Variants in CA14 observed in about 807,000 individuals in gnomAD.
The protein encoded by CA14 is carbonic anhydrase 14, also known as CA-XIV.
Under a neutral mutation model 48.8 loss-of-function variants are expected in CA14, and 44 were observed. That is an observed-to-expected ratio of 0.90 (90% CI 0.71 to 1.16). The LOEUF is 1.16. Ranked by LOEUF, CA14 falls within the 50% of genes most tolerant of loss-of-function variation. The pLI, the probability that CA14 is intolerant of heterozygous loss-of-function variation, is 0.00. For synonymous variants in CA14, 154 were observed against 155.0 expected, an observed-to-expected ratio of 0.99 and a Z score of 0.05; for missense variants, 386 against 401.0, an observed-to-expected ratio of 0.96 and a Z score of 0.32.
At chr1:150,259,007 GA>G (rs1650776546) in intron 1 of CA14, among the ~76,000 whole-genome samples, 1 of 151,866 alleles carries the variant, frequency 6.6e-6, no homozygotes, top group African/African-American at 2.4e-5. Context: ...TGAGGAGAAA[GA>G]AAAAAAGAGG....
Position 150,263,323 on chromosome 1 carries a change from T to C in CA14, c.745T>C (p.Phe249Leu). Reference protein sequence around the residue: ...EQLEKLQGTLFSTEEEPSKLL... With the variant: ...EQLEKLQGTLLSTEEEPSKLL... The stretch of plus-strand genomic sequence containing the variant: ...GCTGGAAAAGCTTCAGGGGACATTG[T>C]TCTCCACAGAAGAGGAGCCCTCTAA... The change falls in exon 8 of 11, where the codon TTC becomes CTC. Residue 249 changes from phenylalanine (F) to leucine (L), a missense_variant. By Grantham distance (22) the Phe-to-Leu change is conservative. Transcript: ENST00000369111. 6.2e-7 allele frequency: 1 copy of C among 1,614,208 alleles called. No individual in the cohort carries two copies. Among genetic ancestry groups the C allele is most frequent in the Non-Finnish European group, 8.5e-7 (1 of 1,180,036 alleles).
chr1:150,259,347 G>A (rs1553847321), intron 1 of CA14, among the ~76,000 whole-genome samples: 2 of 152,164 alleles, frequency 1.3e-5, no homozygotes, highest in East Asian at 1.9e-4. Flanking sequence ...GGAGGGGCTG[G>A]ACCTGCAGAC....
At chr1:150,261,380 A>C in intron 2 of CA14, 79 bp from the exon 3 acceptor site, 2 of 1,292,044 alleles carry the variant, frequency 1.5e-6, no homozygotes, top group Non-Finnish European at 2.2e-6. Flanking sequence ...GGTTAGGGGA[A>C]GGGTCAAAGG....
intron 2 of CA14, 164 bp downstream of exon 2, chr1:150,260,335 G>A (rs587751681): frequency 1.4e-6 from 1 of 729,932 alleles, no homozygotes; most frequent in South Asian, 1.5e-5. Context: ...ATGGCTCCTA[G>A]ATCCTGCTCT....
intron 1 of CA14, 28 bp from the exon 2 acceptor site, chr1:150,260,123 C>G: frequency 6.2e-7 from 1 of 1,612,494 alleles, no homozygotes; most frequent in Non-Finnish European, 8.5e-7. Flanking sequence ...GCTGCGCTGG[C>G]TGTAACCCAA....
At chr1:150,264,558 T>C (rs1553848944) in intron 10 of CA14, 35 bp from the exon 11 acceptor site, 3 of 1,180,936 alleles carry the variant, frequency 2.5e-6, no homozygotes, top group Non-Finnish European at 3.8e-6. Flanking sequence ...TTCACTTAGA[T>C]AGCAGTCATT....
At chr1:150,258,989 A>G (rs1553847267) in intron 1 of CA14, among the ~76,000 whole-genome samples, 1 of 152,158 alleles carries the variant, frequency 6.6e-6, no homozygotes, top group African/African-American at 2.4e-5. Flanking sequence ...AGAGTCACAA[A>G]TCTCATCTGA....
Position 150,258,957 on chromosome 1 carries a change from G to GGGCA in CA14, c.55+784_55+787dup, listed in dbSNP as rs371322559. ...CAGAAGGCAAATGCAGAGAGGATGG[G>GGGCA]GGCAGGCAGGCAGCCAAATGGAGAG... On this transcript the variant is annotated intron_variant, in intron 1 of 10. Transcript: ENST00000369111. 4.2e-3 allele frequency among the ~76,000 whole-genome samples: 639 copies of GGGCA among 152,138 alleles called. 6 individuals carry two copies. The highest frequency in any genetic ancestry group is 0.014 in the African/African-American group (601 of 41,502).
intron 1 of CA14, 131 bp from the exon 2 acceptor site, chr1:150,260,020 C>T (rs1358583674): frequency 1.0e-5 from 9 of 870,356 alleles, no homozygotes; most frequent in Non-Finnish European, 1.5e-5. Flanking sequence ...TTGCAAAGTG[C>T]TGGAGCAGAG....
chr1:150,264,537 C>T, intron 10 of CA14, 56 bp from the exon 11 acceptor site: 1 of 999,122 alleles, frequency 1.0e-6, no homozygotes, highest in Non-Finnish European at 1.6e-6. Context: ...CCTATTTCAC[C>T]TCTAATCTGC....
At chr1:150,259,622 G>A (rs950472444) in intron 1 of CA14, among the ~76,000 whole-genome samples, 2 of 152,134 alleles carry the variant, frequency 1.3e-5, no homozygotes, top group Non-Finnish European at 2.9e-5. Context: ...ATTTACATAT[G>A]AGTTTACAGC....
intron 3 of CA14, 117 bp downstream of exon 3, chr1:150,261,755 C>T: frequency 1.1e-6 from 1 of 902,112 alleles, no homozygotes; most frequent in Non-Finnish European, 1.7e-6. Flanking sequence ...AGATGTGCCG[C>T]CCTCAAATCT....
chr1:150,264,599 G>A lies in CA14; in HGVS notation c.954G>A (p.Lys318=). 1 of 1,603,624 alleles carries A rather than the reference G, an allele frequency of 6.2e-7. No individual in the cohort carries two copies. Among genetic ancestry groups the A allele is most frequent in the Non-Finnish European group, 8.5e-7 (1 of 1,170,684 alleles). Residue 318 remains lysine, a synonymous_variant, in exon 11 of 11, where the codon AAG becomes AAA. Coordinates refer to ENST00000369111, the MANE Select transcript of CA14 (RefSeq NM_012113.3). The part of the protein sequence containing the change: ...VYFIARKIRK[K]RLENRKSVVF... Reference sequence around the variant, plus strand: ...GAGCCATTCCCCTTTCCAGGAAGAAGAGGCTGGAAAACCGAAAGAGTGTGG... The same window carrying A: ...GAGCCATTCCCCTTTCCAGGAAGAAAAGGCTGGAAAACCGAAAGAGTGTGG...
chr1:150,258,052 T>G lies in CA14; in HGVS notation c.-77T>G. 1 of 1,012,688 alleles carries G rather than the reference T, an allele frequency of 9.9e-7. No individual in the cohort carries two copies. Among genetic ancestry groups the G allele is most frequent in the South Asian group, 1.6e-5 (1 of 63,448 alleles). 62.7% of individuals were successfully genotyped at this position (1,012,688 alleles called of 1,614,324 possible). On this transcript the variant is annotated 5_prime_UTR_variant, in exon 1 of 11. Transcript: ENST00000369111. ...GCTCTCTCTCTCTCTCTCTCACTCC[T>G]CCCTCCCTCTCTCTCTGCCTGTCCT...
intron 4 of CA14, 81 bp from the exon 5 acceptor site, chr1:150,262,444 G>A (rs930747549): frequency 4.5e-5 from 66 of 1,469,028 alleles, no homozygotes; most frequent in African/African-American, 1.3e-4. Flanking sequence ...CGGGGACAGC[G>A]GGGGGATGGT....
chr1:150,258,283 G>A (rs1159840459), intron 1 of CA14, 100 bp downstream of exon 1: 38 of 936,334 alleles, frequency 4.1e-5, no homozygotes, highest in Admixed American at 6.6e-5. Flanking sequence ...GAAGCCTAGA[G>A]GCTGGAATAA....
At position 150,261,589 on chromosome 1, in the gene CA14, T is replaced by G. The variant is rs1651036648; in HGVS notation, c.207T>G (p.Tyr69Ter). Reference sequence around the variant, plus strand: ...TGCCTGCTCTGCAGCCCCACGGATATGACCAGCCTGGCACCGAGCCTTTGG... The same window carrying G: ...TGCCTGCTCTGCAGCCCCACGGATAGGACCAGCCTGGCACCGAGCCTTTGG... ...PDLPALQPHG[Y>*]DQPGTEPLDL... Residue 69 changes from tyrosine (Y) to a stop codon, truncating the protein, a stop_gained, in exon 3 of 11, where the codon TAT (tyrosine) becomes TAG (stop). Transcript: ENST00000369111. LOFTEE classifies it high-confidence loss of function. 6.2e-7 allele frequency: 1 copy of G among 1,614,178 alleles called. No individual in the cohort carries two copies. The highest frequency in any genetic ancestry group is 1.3e-5 in the African/African-American group (1 of 75,044).
intron 2 of CA14, 132 bp from the exon 3 acceptor site, chr1:150,261,327 G>A: frequency 1.3e-6 from 1 of 749,992 alleles, no homozygotes; most frequent in East Asian, 2.7e-5. Context: ...CTTAACCTGG[G>A]TGGAGGGAAG....
chr1:150,261,019 C>G (rs1553847706), intron 2 of CA14: 1 of 159,378 alleles, frequency 6.3e-6, no homozygotes, highest in Non-Finnish European at 1.4e-5. Context: ...CTCGGCCTCC[C>G]AAAGTGCTGG....
Sources: allele counts gnomAD v4.1 joint callset (sites outside exome capture counted in the v4.1 genomes callset), GRCh38; gene constraint gnomAD v4.1.1; transcripts MANE v1.5; gene names NCBI Gene and HGNC (gene_info 2026-07-23, HGNC 2026-07-21).